The following CWF19L2 variants were observed in gnomAD, a reference collection of about 807,000 sequenced individuals.
CWF19L2 encodes the protein CWF19 like cell cycle control factor 2, also known as CWF19-like protein 2.
CWF19L2 carries 98 observed loss-of-function variants against 111.7 expected under a neutral mutation model. The ratio of observed to expected loss-of-function variants is 0.88; its 90% CI spans 0.75 to 1.04. The LOEUF is 1.04. Among genes scored for constraint, CWF19L2 ranks in the 50% least tolerant of loss-of-function variants. The pLI is 0.00. For synonymous variants in CWF19L2, 351 were observed against 342.9 expected (o/e 1.02, Z -0.26); for missense variants, 1,101 against 1,051.4 (o/e 1.05, Z -0.65).
chr11:107,364,985 A>C (rs1284096169), intron 12 of CWF19L2, among the ~76,000 whole-genome samples: 5 of 111,632 alleles, frequency 4.5e-5, no homozygotes, highest in African/African-American at 2.0e-4. Context: ...AAAATGATAA[A>C]GGGGATATCA....
chr11:107,371,012 CTTT>C (rs577136063), intron 12 of CWF19L2, among the ~76,000 whole-genome samples: 3 of 100,024 alleles, frequency 3.0e-5, no homozygotes, highest in Admixed American at 1.0e-4. Context: ...TCTAGTTTCT[CTTT>C]TTTTTTTTTT....
At chr11:107,455,208 A>G (rs747167425) in intron 2 of CWF19L2, among the ~76,000 whole-genome samples, 2 of 152,164 alleles carry the variant, frequency 1.3e-5, no homozygotes, top group Non-Finnish European at 1.5e-5. Flanking sequence ...GGTGATGGAT[A>G]TGTTCATTAG....
chr11:107,429,823 A>G (rs1309401021), intron 7 of CWF19L2, among the ~76,000 whole-genome samples: 1 of 141,206 alleles, frequency 7.1e-6, no homozygotes, highest in Non-Finnish European at 1.6e-5. Context: ...AAAAAAAAAA[A>G]CAGAATAGTT....
At chr11:107,407,646 T>C (rs1293483838) in intron 10 of CWF19L2, among the ~76,000 whole-genome samples, 1 of 13,088 alleles carries the variant, frequency 7.6e-5, no homozygotes, top group African/African-American at 2.9e-4. Flanking sequence ...TGCTGCTGGG[T>C]CCCTCTCTAA....
At chr11:107,389,885 A>G (rs539180960) in intron 12 of CWF19L2, among the ~76,000 whole-genome samples, 189 bp downstream of exon 12, 1 of 152,282 alleles carries the variant, frequency 6.6e-6, no homozygotes, top group South Asian at 2.1e-4. Context: ...AAAACAAACA[A>G]CATTTCAACT....
chr11:107,359,613 C>G (rs545760128), intron 12 of CWF19L2, among the ~76,000 whole-genome samples: 1 of 152,018 alleles, frequency 6.6e-6, no homozygotes, highest in African/African-American at 2.4e-5. Flanking sequence ...GGTTTTAGTT[C>G]GAAAAGGAGA....
chr11:107,360,229 G>T (rs1034217591), intron 12 of CWF19L2, among the ~76,000 whole-genome samples: 1 of 152,044 alleles, frequency 6.6e-6, no homozygotes, highest in African/African-American at 2.4e-5. Context: ...TTCTGTGCCC[G>T]ACTTGTTTCA....
intron 12 of CWF19L2, among the ~76,000 whole-genome samples, chr11:107,387,843 A>T (rs780941718): frequency 1.3e-5 from 2 of 152,164 alleles, no homozygotes; most frequent in Non-Finnish European, 2.9e-5. Flanking sequence ...TGTGCGGCCC[A>T]GTTCCAAATA....
intron 12 of CWF19L2, among the ~76,000 whole-genome samples, chr11:107,357,417 A>G (rs1054686334): frequency 6.6e-6 from 1 of 152,252 alleles, no homozygotes; most frequent in Admixed American, 6.5e-5. Context: ...TTATACATAC[A>G]TAATTGTGCC....
rs1451382927 is a variant in CWF19L2, at chr11:107,404,352, C to T, written c.1618-11457G>A. On this transcript the variant is annotated intron_variant, in intron 10 of 17. Coordinates refer to ENST00000282251, the MANE Select transcript of CWF19L2 (RefSeq NM_152434.3). ...TTGGAAGCCTTTACTTGGTCCCAGA[C>T]CTTTCAGCTGTACCTCATGTAGGGC... is the stretch of plus-strand genomic sequence containing the variant. 8.8e-5 allele frequency: 70 copies of T among 791,432 alleles called. 1 individual carries two copies. The Admixed American group carries it at 1.2e-3, about 13-fold the overall frequency. 49.0% of individuals were successfully genotyped at this position (791,432 alleles called of 1,614,324 possible). A position where few individuals can be genotyped will look rare whatever the true frequency, so the allele number is the denominator to read the frequency against.
At position 107,336,571 on chromosome 11, in the gene CWF19L2, G is replaced by A. The variant is rs376946995; in HGVS notation, c.2345C>T (p.Pro782Leu). 25 of 1,600,144 alleles carry A rather than the reference G, an allele frequency of 1.6e-5. No homozygotes were observed. The highest frequency in any genetic ancestry group is 2.0e-5 in the Non-Finnish European group (24 of 1,175,300). ...PLPKEVGDMA[P>L]IYFKKAIMES... The stretch of plus-strand genomic sequence containing the variant: ...ACTTATAAACACCTTAAAATAGATG[G>A]GAGCCATGTCACCCACTTCCTTGGG... The change falls in exon 15 of 18, where the codon CCC becomes CTC. Residue 782 changes from proline to leucine, a missense_variant. Transcript: ENST00000282251.
At chr11:107,392,556 C>T (rs1860863981) in intron 11 of CWF19L2, among the ~76,000 whole-genome samples, 1 of 152,082 alleles carries the variant, frequency 6.6e-6, no homozygotes. Context: ...CTTAAACATT[C>T]AATGTTAACA....
chr11:107,405,464 T>C (rs1184346728), intron 10 of CWF19L2, among the ~76,000 whole-genome samples: 2 of 152,154 alleles, frequency 1.3e-5, no homozygotes, highest in East Asian at 1.9e-4. Context: ...AAGATCCATG[T>C]TGGTAACAAT....
At chr11:107,440,555 T>G (rs1321463057) in intron 5 of CWF19L2, among the ~76,000 whole-genome samples, 1 of 152,114 alleles carries the variant, frequency 6.6e-6, no homozygotes, top group African/African-American at 2.4e-5. Flanking sequence ...CCAATGGTCT[T>G]AAGACTCTCA....
At chr11:107,408,540 C>T (rs1391511377) in intron 10 of CWF19L2, among the ~76,000 whole-genome samples, 1 of 151,844 alleles carries the variant, frequency 6.6e-6, no homozygotes, top group Admixed American at 6.6e-5. Flanking sequence ...TATTTATACA[C>T]CATTTTCTTT....
Position 107,403,573 on chromosome 11 carries a change from T to A in CWF19L2, c.1618-10678A>T, listed in dbSNP as rs143459489. The A allele has an allele frequency of 4.8e-3, 3,760 of 791,292 alleles. 23 individuals carry two copies. Among genetic ancestry groups the A allele is most frequent in the Non-Finnish European group, 4.7e-3 (2,035 of 434,794 alleles). 49.0% of individuals were successfully genotyped at this position (791,292 alleles called of 1,614,324 possible). A position where few individuals can be genotyped will look rare whatever the true frequency, so the allele number is the denominator to read the frequency against. On this transcript the variant is annotated intron_variant, in intron 10 of 17. Coordinates refer to ENST00000282251, the MANE Select transcript of CWF19L2 (RefSeq NM_152434.3). ...TAGACGTGCCTTCTTCACCATTCTGTTGACTCTCTGTCGTTTCTTCAAGGT... is the reference window on the plus strand; with the variant it reads ...TAGACGTGCCTTCTTCACCATTCTGATGACTCTCTGTCGTTTCTTCAAGGT...
At chr11:107,338,137 A>T (rs1369686194) in intron 14 of CWF19L2, among the ~76,000 whole-genome samples, 1 of 152,088 alleles carries the variant, frequency 6.6e-6, no homozygotes, top group Non-Finnish European at 1.5e-5. Context: ...AGGTGTGATC[A>T]TAGCACACTA....
At position 107,422,840 on chromosome 11, in the gene CWF19L2, CAGAT is replaced by C. The variant is rs561302568; in HGVS notation, c.1434-4557_1434-4554del. ...TCTGGGAGGGGAATCTTTTAACAGA[CAGAT>C]AGCATTGGAATAAAAAAAAATCTCT... On this transcript the variant is annotated intron_variant, in intron 8 of 17. Coordinates refer to ENST00000282251, the MANE Select transcript of CWF19L2 (RefSeq NM_152434.3). Among the ~76,000 whole-genome samples, 524 of 151,742 alleles carry C rather than the reference CAGAT, an allele frequency of 3.5e-3. 3 individuals carry two copies. Among genetic ancestry groups the C allele is most frequent in the African/African-American group, 0.012 (484 of 41,420 alleles).
At chr11:107,393,097 T>C (rs889617542) in intron 10 of CWF19L2, among the ~76,000 whole-genome samples, 3 of 152,156 alleles carry the variant, frequency 2.0e-5, no homozygotes, top group Non-Finnish European at 4.4e-5. Context: ...ACCCAATGTT[T>C]ATTTTAGTAT....
Sources: gnomAD v4.1 joint callset for allele counts (sites outside exome capture counted in the v4.1 genomes callset) on GRCh38, gnomAD v4.1.1 for gene constraint, MANE v1.5 for transcripts, NCBI Gene and HGNC (gene_info 2026-07-23, HGNC 2026-07-21) for gene names.